NCOA1: variants seen among roughly 807,000 people sequenced by gnomAD.
NCOA1 encodes nuclear receptor coactivator 1, also known as Hin-2 protein.
A neutral mutation model predicts 150.9 loss-of-function variants in NCOA1; 35 were observed. The ratio of observed to expected loss-of-function variants is 0.23; its 90% CI spans 0.18 to 0.31. The LOEUF is 0.31. Among genes scored for constraint, NCOA1 ranks in the 10% least tolerant of loss-of-function variants. The pLI, the probability that NCOA1 is intolerant of heterozygous loss-of-function variation, is 1.00. For missense variants in NCOA1, 1,491 were observed against 1,749.3 expected (o/e 0.85, Z 2.63); for synonymous variants, 590 against 630.0 (o/e 0.94, Z 0.95).
At position 24,706,438 on chromosome 2, in the gene NCOA1, A is replaced by G. The variant is rs912884837; in HGVS notation, c.1098-130A>G. On this transcript the variant is annotated intron_variant, in intron 12 of 22. Coordinates refer to ENST00000348332, the MANE Select transcript of NCOA1 (RefSeq NM_003743.5). ...AACTTTTTTCTTAATTTAAGATGGT[A>G]CAGAAGCTCTTTACTTGATAGCTTG... 18 of 1,068,282 alleles carry G rather than the reference A, an allele frequency of 1.7e-5. No individual in the cohort carries two copies. In the African/African-American group the frequency reaches 2.6e-4, roughly 15 times the overall value. 66.2% of individuals were successfully genotyped at this position (1,068,282 alleles called of 1,614,324 possible).
chr2:24,551,649 A>G (rs1000744223), intron 1 of NCOA1, among the ~76,000 whole-genome samples: 1 of 152,202 alleles, frequency 6.6e-6, no homozygotes, highest in Non-Finnish European at 1.5e-5. Flanking sequence ...CTTTCATGCT[A>G]CAATGGCAGA....
intron 1 of NCOA1, among the ~76,000 whole-genome samples, chr2:24,536,888 A>T (rs1384275755): frequency 6.6e-6 from 1 of 152,034 alleles, no homozygotes; most frequent in Non-Finnish European, 1.5e-5. Context: ...CAAATACCAC[A>T]TGTTCTCACT....
chr2:24,557,213 A>G (rs114011384), intron 1 of NCOA1, among the ~76,000 whole-genome samples: 45 of 152,062 alleles, frequency 3.0e-4, no homozygotes, highest in African/African-American at 1.1e-3. Flanking sequence ...GCTACTCTAG[A>G]GTTTAAAAGA....
At chr2:24,600,922 A>G (rs1384812367) in intron 3 of NCOA1, among the ~76,000 whole-genome samples, 1 of 152,176 alleles carries the variant, frequency 6.6e-6, no homozygotes, top group Non-Finnish European at 1.5e-5. Flanking sequence ...AGTTTTCGTT[A>G]AGTCAAACTG....
intron 9 of NCOA1, among the ~76,000 whole-genome samples, chr2:24,693,022 G>A (rs558932293): frequency 2.0e-5 from 3 of 152,188 alleles, no homozygotes; most frequent in South Asian, 2.1e-4. Context: ...CACCATGCCC[G>A]GCTAATTTTT....
At chr2:24,707,918 C>A in intron 13 of NCOA1, 30 bp downstream of exon 13, 3 of 1,551,942 alleles carry the variant, frequency 1.9e-6, no homozygotes, top group South Asian at 2.5e-5. Flanking sequence ...ACAGAATGGT[C>A]ATTCTTAGTA....
At position 24,564,312 on chromosome 2, in the gene NCOA1, GA is replaced by G. The variant is rs991868204; in HGVS notation, c.-375del. The stretch of plus-strand genomic sequence containing the variant: ...TGCTTTAGATCTATCCATACTAATG[GA>G]AATGTAACTGGAACTGACTCTGATG... On this transcript the variant is annotated 5_prime_UTR_variant, in exon 2 of 23. It adds an upstream start codon to the 5' untranslated region. Transcript: ENST00000348332. The G allele has an allele frequency of 6.6e-6, 1 of 152,090 alleles. No individual in the cohort carries two copies. Among genetic ancestry groups the G allele is most frequent in the African/African-American group, 2.4e-5 (1 of 41,392 alleles). 9.4% of individuals were successfully genotyped at this position (152,090 alleles called of 1,614,324 possible).
chr2:24,576,979 T>C (rs143574426), intron 2 of NCOA1, among the ~76,000 whole-genome samples: 2 of 152,338 alleles, frequency 1.3e-5, no homozygotes, highest in African/African-American at 4.8e-5. Context: ...CCCATACTTA[T>C]TTGCTTTTTC....
Position 24,517,693 on chromosome 2 carries a change from G to A in NCOA1, c.-396+26091G>A, listed in dbSNP as rs1322747559. The stretch of plus-strand genomic sequence containing the variant: ...CTCAAAGCCACCAGAGCACACATGT[G>A]AAGTGCTTATCATTGAACGTAGTTG... On this transcript the variant is annotated intron_variant, in intron 1 of 22. Transcript: ENST00000348332. Among the ~76,000 whole-genome samples the A allele has an allele frequency of 2.6e-5, 4 of 152,222 alleles. No individual in the cohort carries two copies. In the East Asian group the frequency reaches 5.8e-4, roughly 22 times the overall value.
At chr2:24,718,977 C>A (rs1164566039) in intron 14 of NCOA1, among the ~76,000 whole-genome samples, 1 of 132,322 alleles carries the variant, frequency 7.6e-6, no homozygotes, top group Non-Finnish European at 1.5e-5. Context: ...TGCAGTTAGC[C>A]GAGATCGCAC....
At chr2:24,647,611 G>A (rs1168390876) in intron 4 of NCOA1, among the ~76,000 whole-genome samples, 2 of 152,072 alleles carry the variant, frequency 1.3e-5, no homozygotes, top group South Asian at 2.1e-4. Context: ...ACTTCATAGG[G>A]CAGTTGTGAG....
At chr2:24,757,594 G>GATAT (rs147314212) in intron 20 of NCOA1, among the ~76,000 whole-genome samples, 1 of 150,640 alleles carries the variant, frequency 6.6e-6, no homozygotes, top group African/African-American at 2.4e-5. Flanking sequence ...ATTTATTGAA[G>GATAT]ATATATATAT....
intron 8 of NCOA1, among the ~76,000 whole-genome samples, chr2:24,688,692 T>G (rs1279367724): frequency 1.3e-5 from 2 of 152,234 alleles, no homozygotes; most frequent in African/African-American, 4.8e-5. Flanking sequence ...TCTCCGATTC[T>G]GTAGGTTGCC....
chr2:24,600,665 G>A (rs1161053580), intron 3 of NCOA1, among the ~76,000 whole-genome samples: 1 of 152,146 alleles, frequency 6.6e-6, no homozygotes, highest in Non-Finnish European at 1.5e-5. Context: ...TATTGTCACT[G>A]TGCTTGAGCC....
chr2:24,514,350 T>A (rs1339568178), intron 1 of NCOA1, among the ~76,000 whole-genome samples: 2 of 151,538 alleles, frequency 1.3e-5, no homozygotes, highest in Non-Finnish European at 1.5e-5. Flanking sequence ...AAAATTTTTT[T>A]ATCTCTGAGT....
intron 2 of NCOA1, among the ~76,000 whole-genome samples, chr2:24,567,054 C>A (rs559798939): frequency 6.6e-6 from 1 of 152,362 alleles, no homozygotes; most frequent in South Asian, 2.1e-4. Context: ...ACACTTACCC[C>A]ACTGCAGCTG....
chr2:24,506,688 T>C (rs575414889), intron 1 of NCOA1, among the ~76,000 whole-genome samples: 1 of 152,312 alleles, frequency 6.6e-6, no homozygotes, highest in Non-Finnish European at 1.5e-5. Flanking sequence ...GTACCTATAA[T>C]TGGCAGTATG....
chr2:24,624,001 A>G (rs1036700540), intron 3 of NCOA1, among the ~76,000 whole-genome samples: 3 of 152,170 alleles, frequency 2.0e-5, no homozygotes, highest in Non-Finnish European at 2.9e-5. Context: ...CACAACATCA[A>G]AATTGTTTTA....
At chr2:24,586,275 CAAAAAAAAAAAAA>C (rs34590281) in intron 3 of NCOA1, among the ~76,000 whole-genome samples, 14 of 66,168 alleles carry the variant, frequency 2.1e-4, no homozygotes, top group Non-Finnish European at 3.2e-4. Context: ...GACTCGGTCT[CAAAAAAAAAAAAA>C]AAAAAAAAAA....
Sources: gnomAD v4.1 joint callset for allele counts (sites outside exome capture counted in the v4.1 genomes callset) on GRCh38, gnomAD v4.1.1 for gene constraint, MANE v1.5 for transcripts, NCBI Gene and HGNC (gene_info 2026-07-23, HGNC 2026-07-21) for gene names.